ERBB4: variants seen among roughly 807,000 people sequenced by gnomAD.
The protein encoded by ERBB4 is erb-b2 receptor tyrosine kinase 4.
A neutral mutation model predicts 158.0 loss-of-function variants in ERBB4; 42 were observed. That is an observed-to-expected ratio of 0.27 (90% confidence interval 0.21 to 0.34). The LOEUF (loss-of-function observed/expected upper bound fraction) is 0.34. ERBB4 is among the 10% of genes least tolerant of loss of function. ERBB4 has a pLI of 1.00. For missense variants in ERBB4, 1,333 were observed against 1,624.1 expected, an observed-to-expected ratio of 0.82 and a Z score of 3.08; for synonymous variants, 583 against 558.7, an observed-to-expected ratio of 1.04 and a Z score of -0.61.
At chr2:212,090,470 G>C (rs1278196248) in intron 2 of ERBB4, among the ~76,000 whole-genome samples, 3 of 152,076 alleles carry the variant, frequency 2.0e-5, no homozygotes, top group African/African-American at 7.2e-5. Flanking sequence ...TGGAGGTCTA[G>C]TGATTGTCAG....
At chr2:212,365,706 T>C (rs1006023514) in intron 1 of ERBB4, among the ~76,000 whole-genome samples, 5 of 151,890 alleles carry the variant, frequency 3.3e-5, no homozygotes, top group South Asian at 2.1e-4. Flanking sequence ...TAACCTGATA[T>C]CCTTGTTTCG....
chr2:212,442,776 C>G (rs1218691253), intron 1 of ERBB4, among the ~76,000 whole-genome samples: 4 of 152,080 alleles, frequency 2.6e-5, no homozygotes, highest in Non-Finnish European at 5.9e-5. Context: ...CCAAATGGAA[C>G]CCATTAGAGC....
chr2:211,753,918 C>T (rs1426606528), intron 4 of ERBB4, among the ~76,000 whole-genome samples: 7 of 138,512 alleles, frequency 5.1e-5, no homozygotes, highest in Non-Finnish European at 9.1e-5. Flanking sequence ...AGTGCAGTGG[C>T]GCAACCTCAG....
chr2:212,194,179 C>T (rs2082355138), intron 1 of ERBB4, among the ~76,000 whole-genome samples: 1 of 151,690 alleles, frequency 6.6e-6, no homozygotes, highest in Non-Finnish European at 1.5e-5. Flanking sequence ...CACATATCTG[C>T]AAGACGGACA....
At chr2:212,478,539 A>G (rs1255908510) in intron 1 of ERBB4, among the ~76,000 whole-genome samples, 2 of 152,118 alleles carry the variant, frequency 1.3e-5, no homozygotes, top group Non-Finnish European at 2.9e-5. Context: ...AAGCAGAAAC[A>G]TTCTGAGACA....
chr2:211,637,714 G>A (rs953941449), intron 16 of ERBB4, among the ~76,000 whole-genome samples: 6 of 151,680 alleles, frequency 4.0e-5, no homozygotes, highest in Non-Finnish European at 7.4e-5. Flanking sequence ...TCACAATAAC[G>A]ATGTAACACA....
chr2:212,413,037 G>A (rs545692776), intron 1 of ERBB4, among the ~76,000 whole-genome samples: 2 of 151,252 alleles, frequency 1.3e-5, no homozygotes, highest in Admixed American at 6.6e-5. Flanking sequence ...GTGCGATCTC[G>A]GCTCACTGCA....
In ERBB4 at chr2:211,708,415, T is replaced by C. The variant is rs149391788; in HGVS notation, c.1125-3024A>G. Among the ~76,000 whole-genome samples, 36 of 152,264 alleles carry C rather than the reference T, an allele frequency of 2.4e-4. No homozygotes were observed. In the South Asian group the frequency reaches 5.4e-3, roughly 23 times the overall value. On this transcript the variant is annotated intron_variant, in intron 9 of 27. Transcript: ENST00000342788. ...CCCCTGAACTAAGAAGCATGACTCA[T>C]TGTAAGGAAAATTTTGCCTTTATTT...
intron 2 of ERBB4, among the ~76,000 whole-genome samples, chr2:212,074,025 G>A (rs1559446122): frequency 1.3e-5 from 2 of 151,970 alleles, no homozygotes. Flanking sequence ...CGCAAATGCT[G>A]ATCCAGCCAA....
chr2:211,547,305 GAAGT>G (rs2066968680), intron 20 of ERBB4, among the ~76,000 whole-genome samples: 1 of 152,046 alleles, frequency 6.6e-6, no homozygotes, highest in African/African-American at 2.4e-5. Context: ...ATCAATTGTG[GAAGT>G]AAGTTAATCT....
At chr2:212,022,299 T>C (rs768571132) in intron 2 of ERBB4, among the ~76,000 whole-genome samples, 15 of 152,162 alleles carry the variant, frequency 9.9e-5, no homozygotes, top group Admixed American at 7.9e-4. Context: ...CCATCAATGA[T>C]AGACTGGATG....
Position 211,859,171 on chromosome 2 carries a change from CA to C in ERBB4, c.422-71013del, listed in dbSNP as rs201021592. Among the ~76,000 whole-genome samples the C allele has an allele frequency of 3.7e-4, 56 of 152,298 alleles. No homozygotes were observed. The East Asian group carries it at 0.01, about 28-fold the overall frequency. On this transcript the variant is annotated intron_variant, in intron 3 of 27. Coordinates refer to ENST00000342788, the MANE Select transcript of ERBB4 (RefSeq NM_005235.3). ...ATTACTAAAATTAATTCAATTTTAG[CA>C]ATCAAAACTGTAAATGAACTTAGTT...
rs115993927 is a variant in ERBB4 at position 211,379,941 on chromosome 2, T to A, written c.*3674A>T. On this transcript the variant is annotated 3_prime_UTR_variant, in exon 28 of 28. Transcript: ENST00000342788. ...CATCTAGTAGCAGAGCCTCACACAG[T>A]CCTTTTCTTGATTTTTCCTTAGCAT... The A allele has an allele frequency of 0.01, 2,399 of 232,022 alleles. 20 individuals are homozygous for A. The highest frequency in any genetic ancestry group is 0.015 in the Non-Finnish European group (1,776 of 117,334). 14.4% of individuals were successfully genotyped at this position (232,022 alleles called of 1,614,324 possible).
chr2:212,297,659 C>T (rs1351822139), intron 1 of ERBB4, among the ~76,000 whole-genome samples: 1 of 151,768 alleles, frequency 6.6e-6, no homozygotes, highest in East Asian at 1.9e-4. Flanking sequence ...CTTTTACTTA[C>T]AGTTTTTAGA....
chr2:211,687,365 G>A (rs1264191191), intron 12 of ERBB4, among the ~76,000 whole-genome samples: 1 of 151,440 alleles, frequency 6.6e-6, no homozygotes. Flanking sequence ...ATATTGCCTA[G>A]TATCTATCAC....
At chr2:212,436,014 A>C (rs1292045102) in intron 1 of ERBB4, among the ~76,000 whole-genome samples, 1 of 151,930 alleles carries the variant, frequency 6.6e-6, no homozygotes, top group African/African-American at 2.4e-5. Flanking sequence ...TGAATAGAAA[A>C]TTCAGTACAT....
At chr2:211,510,658 T>C (rs1211143148) in intron 20 of ERBB4, among the ~76,000 whole-genome samples, 2 of 152,068 alleles carry the variant, frequency 1.3e-5, no homozygotes, top group Non-Finnish European at 2.9e-5. Flanking sequence ...TTCAATTATA[T>C]ATCTCTCTCT....
intron 2 of ERBB4, among the ~76,000 whole-genome samples, chr2:212,035,810 G>A (rs2076999698): frequency 6.6e-6 from 1 of 152,124 alleles, no homozygotes; most frequent in South Asian, 2.1e-4. Context: ...TGAATGGATA[G>A]GTTCATCTTG....
At chr2:212,161,572 A>G (rs984945677) in intron 1 of ERBB4, among the ~76,000 whole-genome samples, 3 of 151,940 alleles carry the variant, frequency 2.0e-5, no homozygotes, top group African/African-American at 7.2e-5. Context: ...CAAAGGCTTC[A>G]TATTGTTAAA....
Sources: allele counts gnomAD v4.1 joint callset (sites outside exome capture counted in the v4.1 genomes callset), GRCh38; gene constraint gnomAD v4.1.1; transcripts MANE v1.5; gene names NCBI Gene and HGNC (gene_info 2026-07-23, HGNC 2026-07-21).